ABCA13: variants seen among roughly 807,000 people sequenced by gnomAD.
The protein encoded by ABCA13 is ATP-binding cassette sub-family A member 13.
In ABCA13, 476 loss-of-function variants were observed where a neutral mutation model predicts 478.7. That is an observed-to-expected ratio of 0.99 (90% CI 0.92 to 1.07). The LOEUF (loss-of-function observed/expected upper bound fraction) is 1.07, where lower values mean the gene tolerates loss of function less well. Among genes scored for constraint, ABCA13 ranks in the 50% least tolerant of loss-of-function variants. The pLI, the probability that ABCA13 is intolerant of heterozygous loss-of-function variation, is 0.00. For missense variants in ABCA13, 6,060 were observed against 5,910.6 expected (o/e 1.03, Z -0.83); for synonymous variants, 2,252 against 2,158.9 (o/e 1.04, Z -1.20).
At chr7:48,450,789 A>G (rs925202914) in intron 42 of ABCA13, among the ~76,000 whole-genome samples, 1 of 152,074 alleles carries the variant, frequency 6.6e-6, no homozygotes, top group African/African-American at 2.4e-5. Context: ...TTTTCAAAAG[A>G]CTGTATAATT....
intron 55 of ABCA13, among the ~76,000 whole-genome samples, chr7:48,577,220 G>T (rs1788267527): frequency 6.6e-6 from 1 of 150,754 alleles, no homozygotes. Flanking sequence ...GAAAAGAAAT[G>T]ATAAAAATTA....
In ABCA13 at chr7:48,395,136, G is replaced by A. The variant is rs548895579; in HGVS notation, c.11873+2997G>A. ...GCTTCCTAAGCCTTGCAAGATTTTAGGTTTTGTTCCTTAGGCTGTCCATGG... is the reference window on the plus strand; with the variant it reads ...GCTTCCTAAGCCTTGCAAGATTTTAAGTTTTGTTCCTTAGGCTGTCCATGG... On this transcript the variant is annotated intron_variant, in intron 38 of 61. Transcript: ENST00000435803. 2.6e-5 allele frequency among the ~76,000 whole-genome samples: 4 copies of A among 152,332 alleles called. No individual in the cohort carries two copies. In the East Asian group the frequency reaches 7.7e-4, roughly 29 times the overall value.
intron 55 of ABCA13, among the ~76,000 whole-genome samples, chr7:48,571,015 C>A (rs943347482): frequency 6.6e-6 from 1 of 152,232 alleles, no homozygotes; most frequent in East Asian, 1.9e-4. Flanking sequence ...CAACTAACAT[C>A]TTGAGTTAAA....
At chr7:48,452,321 G>A (rs1291979492) in intron 42 of ABCA13, among the ~76,000 whole-genome samples, 1 of 152,136 alleles carries the variant, frequency 6.6e-6, no homozygotes, top group East Asian at 1.9e-4. Flanking sequence ...GTTAAATAAT[G>A]TTCCAGAATC....
chr7:48,345,346 G>A (rs1359376446), intron 29 of ABCA13, among the ~76,000 whole-genome samples: 2 of 152,120 alleles, frequency 1.3e-5, no homozygotes, highest in African/African-American at 4.8e-5. Context: ...TCCCTCAGGA[G>A]GTATCCAGAA....
chr7:48,328,511 A>C (rs1402289855), intron 27 of ABCA13, among the ~76,000 whole-genome samples: 3 of 152,190 alleles, frequency 2.0e-5, no homozygotes, highest in Non-Finnish European at 2.9e-5. Flanking sequence ...CTAAGACAGC[A>C]GTATCAGTAG....
At chr7:48,301,512 T>C (rs909667614) in intron 23 of ABCA13, among the ~76,000 whole-genome samples, 1 of 152,156 alleles carries the variant, frequency 6.6e-6, no homozygotes, top group African/African-American at 2.4e-5. Flanking sequence ...TGGTCAAAAT[T>C]TGCTCATTCT....
At position 48,400,127 on chromosome 7, in the gene ABCA13, C is replaced by G. The variant is rs564757742; in HGVS notation, c.11874-3556C>G. Among the ~76,000 whole-genome samples the G allele has an allele frequency of 1.8e-4, 27 of 152,138 alleles. No individual in the cohort carries two copies. In the South Asian group the frequency reaches 1.9e-3, roughly 11 times the overall value. ...TACCCATCTGACTGATTTCATATGC[C>G]ACTGTCTCTGGAGTCAGAGGGAATC... On this transcript the variant is annotated intron_variant, in intron 38 of 61. Transcript: ENST00000435803.
chr7:48,495,273 T>A (rs762661741), intron 48 of ABCA13, among the ~76,000 whole-genome samples: 1 of 152,212 alleles, frequency 6.6e-6, no homozygotes, highest in Non-Finnish European at 1.5e-5. Flanking sequence ...TTTTTATAAT[T>A]TCTCTTGAGA....
chr7:48,278,354 C>A lies in ABCA13; in HGVS notation c.7160C>A (p.Thr2387Lys), dbSNP rs780826806. The change falls in exon 18 of 62, where the codon ACA becomes AAA. Residue 2387 changes from threonine to lysine, a missense_variant. By Grantham distance (78) the Thr-to-Lys change is moderately conservative (BLOSUM62 -1). Around this residue, in one of 3 missense-constraint regions of ABCA13, gnomAD observed 4,423 missense variants for 4,309.1 expected, o/e 1.03. Transcript: ENST00000435803. ...ACTGAAAATAATATAGACTTTTTCACAGTGGTGAGTCAGTTGTTTTTCCAT... is the reference window on the plus strand; with the variant it reads ...ACTGAAAATAATATAGACTTTTTCAAAGTGGTGAGTCAGTTGTTTTTCCAT... ...NKTENNIDFFTVVSQLFFHVN... is the reference protein window; with the variant it reads ...NKTENNIDFFKVVSQLFFHVN... The A allele has an allele frequency of 6.2e-6, 10 of 1,613,438 alleles. No homozygotes were observed. Among genetic ancestry groups the A allele is most frequent in the Non-Finnish European group, 8.5e-6 (10 of 1,179,688 alleles).
chr7:48,223,764 C>T (rs1461410258), intron 5 of ABCA13, among the ~76,000 whole-genome samples: 1 of 151,952 alleles, frequency 6.6e-6, no homozygotes, highest in Non-Finnish European at 1.5e-5. Context: ...CAAGACCAGC[C>T]TGGCCAACAT....
chr7:48,579,252 A>T (rs972224280), intron 55 of ABCA13, among the ~76,000 whole-genome samples: 1 of 152,252 alleles, frequency 6.6e-6, no homozygotes, highest in African/African-American at 2.4e-5. Flanking sequence ...AGACTTGTAT[A>T]TGAAATACAT....
chr7:48,178,092 T>C (rs933702731), intron 1 of ABCA13, among the ~76,000 whole-genome samples: 1 of 152,218 alleles, frequency 6.6e-6, no homozygotes. Flanking sequence ...TTTTTCCTAA[T>C]TCACAATCAT....
chr7:48,377,412 T>G (rs1813667923), intron 35 of ABCA13, among the ~76,000 whole-genome samples: 1 of 152,162 alleles, frequency 6.6e-6, no homozygotes. Flanking sequence ...TCAAAGCAAA[T>G]AGTGTCTAAC....
Position 48,389,044 on chromosome 7 carries a change from A to G in ABCA13, c.11478A>G (p.Ser3826=), listed in dbSNP as rs369798312. 7.6e-5 allele frequency: 122 copies of G among 1,613,572 alleles called. No individual in the cohort carries two copies. The highest frequency in any genetic ancestry group is 9.9e-5 in the Non-Finnish European group (117 of 1,179,738). Residue 3826 remains serine, a synonymous_variant, in exon 37 of 62, where the codon TCA becomes TCG. Coordinates refer to ENST00000435803, the MANE Select transcript of ABCA13 (RefSeq NM_152701.5). The stretch of plus-strand genomic sequence containing the variant: ...GAATTTTCATCTCTCTCACAGGGTC[A>G]TCACTGCAAAACAGGGAAGGAGAGC... The part of the protein sequence containing the change: ...FFNENFDNKG[S]SLQNREGELE...
chr7:48,240,591 G>A (rs1246928470), intron 9 of ABCA13, among the ~76,000 whole-genome samples: 3 of 152,144 alleles, frequency 2.0e-5, no homozygotes, highest in African/African-American at 2.4e-5. Context: ...GTTTAGAGGT[G>A]TATGTTATTC....
intron 47 of ABCA13, among the ~76,000 whole-genome samples, chr7:48,487,314 A>C (rs112754588): frequency 0.17 from 21,800 of 128,196 alleles, 2,256 homozygotes; most frequent in African/African-American, 0.36. Context: ...GTCTCAAAAA[A>C]AAAACAAAAC....
chr7:48,633,097 A>G (rs1794294615), intron 59 of ABCA13, among the ~76,000 whole-genome samples: 2 of 152,226 alleles, frequency 1.3e-5, no homozygotes, highest in Non-Finnish European at 2.9e-5. Context: ...AACATTAAAC[A>G]TGTTTATGCT....
chr7:48,352,950 A>G (rs1282914445), intron 31 of ABCA13, among the ~76,000 whole-genome samples: 1 of 151,896 alleles, frequency 6.6e-6, no homozygotes. Context: ...ATATGAGAAC[A>G]TTTAGGAGTT....
Sources: gnomAD v4.1 joint callset for allele counts (sites outside exome capture counted in the v4.1 genomes callset) on GRCh38, gnomAD v4.1.1 for gene constraint, gnomAD v4.1.1 regional missense constraint, MANE v1.5 for transcripts, NCBI Gene and HGNC (gene_info 2026-07-23, HGNC 2026-07-21) for gene names.